Variants in TEAD1 observed in about 807,000 individuals in gnomAD.
TEAD1 encodes the protein transcriptional enhancer factor TEF-1.
A neutral mutation model predicts 54.9 loss-of-function variants in TEAD1; 9 were observed. That is an observed-to-expected ratio of 0.16 (90% CI 0.10 to 0.29). The LOEUF (loss-of-function observed/expected upper bound fraction) is 0.29. TEAD1 is among the 10% of genes least tolerant of loss of function. TEAD1 has a pLI of 1.00. For synonymous variants in TEAD1, 200 were observed against 187.8 expected (o/e 1.07, Z -0.53); for missense variants, 387 against 535.9 (o/e 0.72, Z 2.74).
At chr11:12,688,094 G>C (rs2133820045) in intron 2 of TEAD1, among the ~76,000 whole-genome samples, 1 of 152,308 alleles carries the variant, frequency 6.6e-6, no homozygotes, top group Non-Finnish European at 1.5e-5. Flanking sequence ...ATAGGGTTTA[G>C]GCAGATGACC....
intron 2 of TEAD1, among the ~76,000 whole-genome samples, chr11:12,706,582 T>C (rs545342556): frequency 5.9e-5 from 9 of 152,250 alleles, no homozygotes; most frequent in Admixed American, 3.9e-4. Flanking sequence ...TGATTTCTGC[T>C]GCTAAAGTTG....
chr11:12,849,931 G>A (rs1047729425), intron 3 of TEAD1, among the ~76,000 whole-genome samples: 3 of 152,124 alleles, frequency 2.0e-5, no homozygotes, highest in Non-Finnish European at 4.4e-5. Context: ...CAATTTTTAG[G>A]ACCATGTCAT....
At chr11:12,828,687 T>C (rs1946707866) in intron 3 of TEAD1, among the ~76,000 whole-genome samples, 1 of 151,562 alleles carries the variant, frequency 6.6e-6, no homozygotes, top group African/African-American at 2.4e-5. Flanking sequence ...GATTTTTTTT[T>C]TTTTTAAATG....
At chr11:12,818,436 TAAAG>T (rs1278554806) in intron 3 of TEAD1, among the ~76,000 whole-genome samples, 2 of 152,158 alleles carry the variant, frequency 1.3e-5, no homozygotes, top group Non-Finnish European at 2.9e-5. Context: ...AAAATAAAGT[TAAAG>T]AAGTAAGGCT....
intron 5 of TEAD1, among the ~76,000 whole-genome samples, chr11:12,873,966 A>G (rs1947805758): frequency 6.6e-6 from 1 of 152,248 alleles, no homozygotes; most frequent in African/African-American, 2.4e-5. Flanking sequence ...ATATTTGAAG[A>G]AAAACCATTT....
chr11:12,686,192 C>T (rs1299766339), intron 2 of TEAD1, among the ~76,000 whole-genome samples: 1 of 152,128 alleles, frequency 6.6e-6, no homozygotes, highest in African/African-American at 2.4e-5. Flanking sequence ...AAATTATATG[C>T]CTATGGTACT....
intron 5 of TEAD1, among the ~76,000 whole-genome samples, chr11:12,878,618 A>G (rs560773338): frequency 1.1e-3 from 139 of 129,598 alleles, no homozygotes; most frequent in Non-Finnish European, 1.8e-3. Flanking sequence ...ACCAGTGCAA[A>G]GGAGTTGAGG....
intron 2 of TEAD1, among the ~76,000 whole-genome samples, chr11:12,702,324 C>T (rs927544124): frequency 7.2e-5 from 11 of 152,138 alleles, no homozygotes; most frequent in Non-Finnish European, 1.0e-4. Flanking sequence ...TCGTGGACAA[C>T]GTTAAGTGGA....
intron 3 of TEAD1, among the ~76,000 whole-genome samples, chr11:12,841,657 C>T (rs184468832): frequency 6.6e-6 from 1 of 152,286 alleles, no homozygotes; most frequent in Admixed American, 6.5e-5. Flanking sequence ...ACCCTGGTAG[C>T]TTAGCTCCTT....
intron 3 of TEAD1, among the ~76,000 whole-genome samples, chr11:12,852,048 T>C (rs1947285231): frequency 6.6e-6 from 1 of 152,024 alleles, no homozygotes; most frequent in Admixed American, 6.6e-5. Context: ...GTGTTCCAGG[T>C]AGGGTATACA....
intron 2 of TEAD1, among the ~76,000 whole-genome samples, 187 bp from the exon 3 acceptor site, chr11:12,763,992 T>A (rs1031204041): frequency 2.0e-5 from 3 of 152,200 alleles, no homozygotes; most frequent in African/African-American, 4.8e-5. Flanking sequence ...GCAAAGCTGG[T>A]GACTGAACCA....
chr11:12,798,823 T>G (rs1007895372), intron 3 of TEAD1, among the ~76,000 whole-genome samples: 2 of 152,242 alleles, frequency 1.3e-5, no homozygotes, highest in African/African-American at 2.4e-5. Context: ...TGATTGATGT[T>G]GGATGCCTTT....
intron 2 of TEAD1, among the ~76,000 whole-genome samples, chr11:12,688,501 C>T (rs569894642): frequency 6.6e-6 from 1 of 152,278 alleles, no homozygotes; most frequent in Non-Finnish European, 1.5e-5. Context: ...CTTGCTTGTA[C>T]CTTCTTAGTC....
At chr11:12,822,743 G>A (rs1946578469) in intron 3 of TEAD1, 1 of 152,210 alleles carries the variant, frequency 6.6e-6, no homozygotes, top group Non-Finnish European at 1.5e-5. Context: ...AGGACCTTCA[G>A]TTTTAAGAGC....
chr11:12,817,736 A>G (rs1225141766), intron 3 of TEAD1, among the ~76,000 whole-genome samples: 1 of 152,188 alleles, frequency 6.6e-6, no homozygotes, highest in Non-Finnish European at 1.5e-5. Flanking sequence ...ACTATAAAGA[A>G]TGAGAATTGT....
chr11:12,712,082 AG>A (rs1054526563), intron 2 of TEAD1, among the ~76,000 whole-genome samples: 3 of 152,084 alleles, frequency 2.0e-5, no homozygotes, highest in African/African-American at 7.2e-5. Context: ...GCATCTTTTG[AG>A]GGACATTCTC....
chr11:12,830,558 G>C (rs1305549034), intron 3 of TEAD1, among the ~76,000 whole-genome samples: 2 of 152,072 alleles, frequency 1.3e-5, no homozygotes, highest in African/African-American at 4.8e-5. Flanking sequence ...CTCCCCACAC[G>C]ACACAGCCCA....
rs1211334135 is a variant in TEAD1, at chr11:12,818,182, G to A, written c.203-44068G>A. On this transcript the variant is annotated intron_variant, in intron 3 of 12. Coordinates refer to ENST00000527636, the MANE Select transcript of TEAD1 (RefSeq NM_021961.6). Reference sequence around the variant, plus strand: ...AACTCTTGAGAGAATGGAATTGCATGCTTACTTTTCATCTATATGACGTTA... The same window carrying A: ...AACTCTTGAGAGAATGGAATTGCATACTTACTTTTCATCTATATGACGTTA... 2.6e-5 allele frequency among the ~76,000 whole-genome samples: 4 copies of A among 152,272 alleles called. No homozygotes were observed. In the East Asian group the frequency reaches 7.7e-4, roughly 29 times the overall value.
rs1208724841 is a variant in TEAD1 at position 12,881,793 on chromosome 11, A to G, written c.513-103A>G. 7.6e-6 allele frequency: 9 copies of G among 1,184,428 alleles called. No homozygotes were observed. In the Middle Eastern group the frequency reaches 5.7e-4, roughly 75 times the overall value. 73.4% of individuals were successfully genotyped at this position (1,184,428 alleles called of 1,614,324 possible). On this transcript the variant is annotated intron_variant, in intron 7 of 12. Transcript: ENST00000527636. Reference sequence around the variant, plus strand: ...GCTACCACCTGCAGGCAGGGACCACAGCGGTGAAGGACCTCCCACTGGGAG... The same window carrying G: ...GCTACCACCTGCAGGCAGGGACCACGGCGGTGAAGGACCTCCCACTGGGAG...
Sources: allele counts gnomAD v4.1 joint callset (sites outside exome capture counted in the v4.1 genomes callset), GRCh38; gene constraint gnomAD v4.1.1; transcripts MANE v1.5; gene names NCBI Gene and HGNC (gene_info 2026-07-23, HGNC 2026-07-21).